Variants in TMEM178B observed in about 807,000 individuals in gnomAD.
The protein encoded by TMEM178B is transmembrane protein 178B.
Under a neutral mutation model 31.0 loss-of-function variants are expected in TMEM178B, and 5 were observed. The observed-to-expected ratio is 0.16, with a 90% CI of 0.08 to 0.34. The LOEUF is 0.34. Among genes scored for constraint, TMEM178B ranks in the 10% least tolerant of loss-of-function variants. The pLI is 1.00. For synonymous variants in TMEM178B, 164 were observed against 164.0 expected (o/e 1.00, Z 0.00); for missense variants, 275 against 400.3 (o/e 0.69, Z 2.67).
intron 3 of TMEM178B, among the ~76,000 whole-genome samples, chr7:141,456,319 G>A (rs771926723): frequency 1.3e-5 from 2 of 152,182 alleles, no homozygotes; most frequent in South Asian, 4.1e-4. Flanking sequence ...AAGGGATCAT[G>A]ATCCAGAGAG....
At chr7:141,183,165 A>C (rs150177550) in intron 1 of TMEM178B, among the ~76,000 whole-genome samples, 113 of 152,282 alleles carry the variant, frequency 7.4e-4, no homozygotes, top group African/African-American at 2.6e-3. Flanking sequence ...GAGTCAGAGG[A>C]CCTCAGAGTA....
At chr7:141,352,270 G>A (rs1482005999) in intron 2 of TMEM178B, 1 of 152,380 alleles carries the variant, frequency 6.6e-6, no homozygotes, top group Non-Finnish European at 1.5e-5. Flanking sequence ...CCTCATCCAG[G>A]AGAGGCTTAA....
At chr7:141,249,836 C>T (rs1455696118) in intron 2 of TMEM178B, among the ~76,000 whole-genome samples, 1 of 152,204 alleles carries the variant, frequency 6.6e-6, no homozygotes, top group Non-Finnish European at 1.5e-5. Flanking sequence ...AAAAGAAATT[C>T]TGTGTGGCTA....
chr7:141,219,675 G>C (rs934394129), intron 2 of TMEM178B, among the ~76,000 whole-genome samples: 2 of 152,158 alleles, frequency 1.3e-5, no homozygotes, highest in African/African-American at 4.8e-5. Context: ...TATACCCACT[G>C]CCTTGTGCCT....
At chr7:141,354,942 CTTATT>C (rs1270252879) in intron 2 of TMEM178B, among the ~76,000 whole-genome samples, 1 of 152,192 alleles carries the variant, frequency 6.6e-6, no homozygotes, top group Non-Finnish European at 1.5e-5. Context: ...ATTCTAGCTG[CTTATT>C]TTAAGATTCC....
intron 2 of TMEM178B, among the ~76,000 whole-genome samples, chr7:141,255,481 A>C (rs1260666692): frequency 3.9e-5 from 6 of 152,370 alleles, no homozygotes; most frequent in Middle Eastern, 3.4e-3. Flanking sequence ...ACAACATTGG[A>C]TCACTAGTAA....
intron 2 of TMEM178B, among the ~76,000 whole-genome samples, chr7:141,224,180 C>T (rs1362509276): frequency 6.6e-6 from 1 of 152,138 alleles, no homozygotes; most frequent in Non-Finnish European, 1.5e-5. Flanking sequence ...TGTGAGGCCT[C>T]CGTAGTCATG....
the TMEM178B span, among the ~76,000 whole-genome samples, chr7:141,499,464 C>CAAAAAAAAAAAA: frequency 2.0e-5 from 1 of 50,716 alleles, no homozygotes; most frequent in Non-Finnish European, 4.7e-5. Context: ...CACATCTCTA[C>CAAAAAAAAAAAA]AAAAAAAAAA....
chr7:141,498,443 G>T, the TMEM178B span, among the ~76,000 whole-genome samples: 1 of 152,210 alleles, frequency 6.6e-6, no homozygotes, highest in Admixed American at 6.5e-5. Flanking sequence ...TAAGTCCTTG[G>T]CATCTTGTGA....
At chr7:141,489,706 A>G in the TMEM178B span, among the ~76,000 whole-genome samples, 1 of 152,178 alleles carries the variant, frequency 6.6e-6, no homozygotes, top group Admixed American at 6.5e-5. Context: ...CTACCAGCAG[A>G]ACAGAAGTAA....
At chr7:141,444,595 T>C (rs938829808) in intron 3 of TMEM178B, among the ~76,000 whole-genome samples, 1 of 152,216 alleles carries the variant, frequency 6.6e-6, no homozygotes, top group African/African-American at 2.4e-5. Context: ...TGAAGAGCTT[T>C]CTGTCTTGAA....
chr7:141,096,031 G>A (rs1305966496), intron 1 of TMEM178B, among the ~76,000 whole-genome samples: 2 of 152,202 alleles, frequency 1.3e-5, no homozygotes, highest in Non-Finnish European at 2.9e-5. Flanking sequence ...GCCACTACTG[G>A]CATTGATGGC....
intron 3 of TMEM178B, among the ~76,000 whole-genome samples, chr7:141,448,992 C>T (rs1472034174): frequency 6.6e-6 from 1 of 152,004 alleles, no homozygotes; most frequent in Admixed American, 6.5e-5. Flanking sequence ...GAGTGGTTGT[C>T]GAGAAGGGAC....
At chr7:141,501,317 GA>G in the TMEM178B span, among the ~76,000 whole-genome samples, 1,550 of 144,654 alleles carry the variant, frequency 0.011, 25 homozygotes, top group African/African-American at 0.037. Context: ...TTTATTAGGA[GA>G]AAAAAAAAAG....
intron 3 of TMEM178B, among the ~76,000 whole-genome samples, chr7:141,446,239 A>G (rs1218379720): frequency 2.0e-5 from 3 of 152,302 alleles, no homozygotes; most frequent in South Asian, 4.1e-4. Flanking sequence ...TTGCCACCCA[A>G]TGGGACCTAC....
chr7:141,401,690 G>A (rs1800778228), intron 2 of TMEM178B, among the ~76,000 whole-genome samples: 1 of 152,140 alleles, frequency 6.6e-6, no homozygotes, highest in Non-Finnish European at 1.5e-5. Flanking sequence ...ACAGGCATGA[G>A]CCACCGTGCC....
rs936062273 is a variant in TMEM178B, at chr7:141,397,205, C to T, written c.497-40403C>T. The stretch of plus-strand genomic sequence containing the variant: ...CATAGTGATTAACTGTTTCATCCAG[C>T]TTCTTTCCCCCAGAAATGGTACAGT... On this transcript the variant is annotated intron_variant, in intron 2 of 3. Transcript: ENST00000565468. Among the ~76,000 whole-genome samples the T allele has an allele frequency of 2.0e-5, 3 of 152,202 alleles. No homozygotes were observed. In the East Asian group the frequency reaches 5.8e-4, roughly 29 times the overall value.
chr7:141,229,051 A>G (rs1797392906), intron 2 of TMEM178B, among the ~76,000 whole-genome samples: 1 of 118,102 alleles, frequency 8.5e-6, no homozygotes, highest in African/African-American at 3.5e-5. Context: ...TGGGGGTGGA[A>G]TTTGATTACA....
chr7:141,385,161 C>A (rs955357471), intron 2 of TMEM178B, among the ~76,000 whole-genome samples: 3 of 152,150 alleles, frequency 2.0e-5, no homozygotes, highest in Admixed American at 2.0e-4. Flanking sequence ...AATCTTTTCC[C>A]ACTTTTCGTA....
Sources: gnomAD v4.1 joint callset for allele counts (sites outside exome capture counted in the v4.1 genomes callset) on GRCh38, gnomAD v4.1.1 for gene constraint, MANE v1.5 for transcripts, NCBI Gene and HGNC (gene_info 2026-07-23, HGNC 2026-07-21) for gene names.